USH2A: variants seen among roughly 807,000 people sequenced by gnomAD.
USH2A encodes the protein Usher syndrome 2A (autosomal recessive, mild).
In USH2A, 443 loss-of-function variants were observed where a neutral mutation model predicts 538.9. The observed-to-expected ratio is 0.82, with a 90% confidence interval of 0.76 to 0.89. The LOEUF is 0.89. Among genes scored for constraint, USH2A ranks in the 40% least tolerant of loss-of-function variants. The probability of loss-of-function intolerance (pLI) is 0.00; values close to 1 mark genes in which losing one functional copy is unlikely to be tolerated. For synonymous variants in USH2A, 2,413 were observed against 2,273.5 expected (o/e 1.06, Z -1.75); for missense variants, 6,633 against 6,324.8 (o/e 1.05, Z -1.65).
In USH2A at chr1:216,324,054, C is replaced by A. The variant is rs977819823; in HGVS notation, c.1328+114G>T. ...TAGGGATAAGACTTAGGAGAATCTGCCTCAAGGAAGTTGGTGGTGAAGGGA... is the reference window on the plus strand; with the variant it reads ...TAGGGATAAGACTTAGGAGAATCTGACTCAAGGAAGTTGGTGGTGAAGGGA... On this transcript the variant is annotated intron_variant, in intron 7 of 71. Coordinates refer to ENST00000307340, the MANE Select transcript of USH2A (RefSeq NM_206933.4). 5.0e-5 allele frequency: 59 copies of A among 1,175,220 alleles called. 1 individual carries two copies. Among genetic ancestry groups the A allele is most frequent in the Middle Eastern group, 5.6e-4 (2 of 3,592 alleles). 72.8% of individuals were successfully genotyped at this position (1,175,220 alleles called of 1,614,324 possible).
chr1:215,888,536 G>A lies in USH2A; in HGVS notation c.8113C>T (p.Leu2705Phe). The A allele has an allele frequency of 6.2e-7, 1 of 1,614,152 alleles. No homozygotes were observed. Among genetic ancestry groups the A allele is most frequent in the Middle Eastern group, 1.7e-4 (1 of 6,060 alleles). ...KYEYRVLMST[L>F]HGGTNSSAWV... is the part of the protein sequence containing the mutation. ...GCACTGCTGTTTGTGCCTCCATGAA[G>A]AGTGCTCATCAGTACCCGATATTCA... The change falls in exon 41 of 72, where the codon CTT becomes TTT. Residue 2705 changes from leucine to phenylalanine, a missense_variant. Physicochemically the swap from Leu to Phe is conservative, Grantham distance 22. Coordinates refer to ENST00000307340, the MANE Select transcript of USH2A (RefSeq NM_206933.4).
At chr1:215,903,952 A>T (rs1665568494) in intron 38 of USH2A, among the ~76,000 whole-genome samples, 1 of 152,228 alleles carries the variant, frequency 6.6e-6, no homozygotes, top group Non-Finnish European at 1.5e-5. Flanking sequence ...TGATATTTTT[A>T]TCTATGAACA....
In USH2A at chr1:215,640,658, G is replaced by A; in HGVS notation, c.14868C>T (p.Leu4956=). Residue 4956 remains leucine, a synonymous_variant, in exon 68 of 72, where the codon CTC becomes CTT. Coordinates refer to ENST00000307340, the MANE Select transcript of USH2A (RefSeq NM_206933.4). ...CGTACTCCTTCAGTTGGCCGTTCAG[G>A]AGGAAGGTGTCACTCCAGTTCACAC... ...VVCVNWSDTF[L]LNGQLKEYVL... 6.2e-7 allele frequency: 1 copy of A among 1,613,992 alleles called. No individual in the cohort carries two copies. Among genetic ancestry groups the A allele is most frequent in the Non-Finnish European group, 8.5e-7 (1 of 1,180,002 alleles).
chr1:215,869,014 G>A (rs1664555987), intron 43 of USH2A, among the ~76,000 whole-genome samples: 1 of 152,166 alleles, frequency 6.6e-6, no homozygotes, highest in African/African-American at 2.4e-5. Flanking sequence ...GAATACATAT[G>A]CTTTTTAGCA....
chr1:216,133,398 C>G (rs2033416773), intron 21 of USH2A, among the ~76,000 whole-genome samples: 1 of 152,170 alleles, frequency 6.6e-6, no homozygotes, highest in African/African-American at 2.4e-5. Flanking sequence ...ACAGGGATAG[C>G]TGAACTTGGT....
chr1:215,770,482 C>T (rs549513328), intron 55 of USH2A, among the ~76,000 whole-genome samples: 2 of 151,760 alleles, frequency 1.3e-5, no homozygotes, highest in Admixed American at 6.6e-5. Flanking sequence ...AAAAAAAATA[C>T]CCAACAGACA....
chr1:216,194,622 A>G (rs1034016640), intron 19 of USH2A, among the ~76,000 whole-genome samples: 1 of 152,174 alleles, frequency 6.6e-6, no homozygotes, highest in Admixed American at 6.6e-5. Flanking sequence ...AATCTACCAT[A>G]TCAGTGAAGT....
intron 4 of USH2A, among the ~76,000 whole-genome samples, chr1:216,363,337 T>C (rs908983442): frequency 2.0e-5 from 3 of 152,136 alleles, no homozygotes; most frequent in African/African-American, 7.2e-5. Context: ...ATTGGCCCTA[T>C]GGGAAATCAA....
At chr1:216,306,051 C>G (rs936657487) in intron 9 of USH2A, among the ~76,000 whole-genome samples, 6 of 152,150 alleles carry the variant, frequency 3.9e-5, no homozygotes, top group African/African-American at 1.2e-4. Context: ...ATTTGGATAT[C>G]TAGATCTCTA....
At chr1:216,003,111 C>T (rs911158933) in intron 32 of USH2A, among the ~76,000 whole-genome samples, 9 of 152,012 alleles carry the variant, frequency 5.9e-5, no homozygotes, top group Admixed American at 6.6e-5. Flanking sequence ...TCTATAACAA[C>T]TGGGACTGGG....
At position 215,912,771 on chromosome 1, in the gene USH2A, C is replaced by T. The variant is rs115202193; in HGVS notation, c.7301-11866G>A. On this transcript the variant is annotated intron_variant, in intron 38 of 71. Coordinates refer to ENST00000307340, the MANE Select transcript of USH2A (RefSeq NM_206933.4). The stretch of plus-strand genomic sequence containing the variant: ...CATCACCCAGGTAATAAGCTTAGTA[C>T]CCAAAGGTTATTTTTTCTGTTCCTC... Among the ~76,000 whole-genome samples, 1,375 of 151,920 alleles carry T rather than the reference C, an allele frequency of 9.1e-3. 16 individuals carry two copies. Among genetic ancestry groups the T allele is most frequent in the African/African-American group, 0.031 (1,302 of 41,452 alleles).
At position 216,000,635 on chromosome 1, in the gene USH2A, T is replaced by C; in HGVS notation, c.6326-73A>G. 1.9e-6 allele frequency: 3 copies of C among 1,553,552 alleles called. No homozygotes were observed. The South Asian group carries it at 3.4e-5, about 17-fold the overall frequency. On this transcript the variant is annotated intron_variant, in intron 32 of 71. Transcript: ENST00000307340. The stretch of plus-strand genomic sequence containing the variant: ...TTGAGGAGATTTCACTCCTCCACTA[T>C]AGTCCTATCTCAGAGAATTGTTAAG...
intron 4 of USH2A, among the ~76,000 whole-genome samples, chr1:216,355,300 T>C (rs1372663796): frequency 1.1e-5 from 1 of 88,052 alleles, no homozygotes; most frequent in East Asian, 2.6e-4. Context: ...TGAAAGACTC[T>C]GCTTCAAAAA....
chr1:216,213,870 G>A (rs184732445), intron 15 of USH2A, among the ~76,000 whole-genome samples: 20 of 151,984 alleles, frequency 1.3e-4, no homozygotes, highest in Non-Finnish European at 2.8e-4. Context: ...CTCAGTAAGA[G>A]GACTAACAAC....
At chr1:215,796,814 T>G (rs1210912271) in intron 50 of USH2A, among the ~76,000 whole-genome samples, 2 of 152,140 alleles carry the variant, frequency 1.3e-5, no homozygotes, top group East Asian at 3.8e-4. Flanking sequence ...GTTAGCCCAG[T>G]TATGCATGCA....
intron 4 of USH2A, among the ~76,000 whole-genome samples, chr1:216,363,292 A>C (rs1224498663): frequency 6.6e-6 from 1 of 152,104 alleles, no homozygotes; most frequent in Non-Finnish European, 1.5e-5. Flanking sequence ...AAACACAGTA[A>C]TGTTTTACAT....
rs1305627909 is a variant in USH2A at position 215,671,215 on chromosome 1, A to C, written c.13890T>G (p.Ile4630Met). The C allele has an allele frequency of 1.2e-6, 2 of 1,614,002 alleles. No individual in the cohort carries two copies. The highest frequency in any genetic ancestry group is 1.7e-5 in the Admixed American group (1 of 59,998). Reference protein sequence around the residue: ...SDWTFIQTPEIAPLMQPPPHL... With the variant: ...SDWTFIQTPEMAPLMQPPPHL... The stretch of plus-strand genomic sequence containing the variant: ...GTGGAGGGGGTTGCATCAAAGGTGC[A>C]ATCTCAGGGGTCTGTATGAATGTCC... The change falls in exon 64 of 72, where the codon ATT becomes ATG. Residue 4630 changes from isoleucine to methionine, a missense_variant. By Grantham distance (10) the Ile-to-Met change is conservative. Transcript: ENST00000307340.
Position 216,185,389 on chromosome 1 carries a change from A to G in USH2A, c.4396+4834T>C, listed in dbSNP as rs542213989. Among the ~76,000 whole-genome samples, 69 of 152,104 alleles carry G rather than the reference A, an allele frequency of 4.5e-4. No homozygotes were observed. In the South Asian group the frequency reaches 0.014, roughly 31 times the overall value. On this transcript the variant is annotated intron_variant, in intron 20 of 71. Coordinates refer to ENST00000307340, the MANE Select transcript of USH2A (RefSeq NM_206933.4). ...TCTCAAGCTTTTTAATGAAACAGCA[A>G]GATAAATCTTCACAAGTATCTTTCT...
intron 9 of USH2A, among the ~76,000 whole-genome samples, chr1:216,295,949 CA>C (rs908069636): frequency 6.6e-6 from 1 of 151,902 alleles, no homozygotes; most frequent in African/African-American, 2.4e-5. Flanking sequence ...ATACACTAGT[CA>C]AAAGCATTTT....
Sources: gnomAD v4.1 joint callset for allele counts (sites outside exome capture counted in the v4.1 genomes callset) on GRCh38, gnomAD v4.1.1 for gene constraint, MANE v1.5 for transcripts, NCBI Gene and HGNC (gene_info 2026-07-23, HGNC 2026-07-21) for gene names.